Variants in ADD1 observed in about 807,000 individuals in gnomAD.
ADD1 encodes the protein alpha-adducin.
Under a neutral mutation model 80.5 loss-of-function variants are expected in ADD1, and 24 were observed. That is an observed-to-expected ratio of 0.30 (90% CI 0.22 to 0.42). ADD1 has a LOEUF of 0.42. ADD1 is among the 10% of genes least tolerant of loss of function. The pLI is 1.00. For synonymous variants in ADD1, 373 were observed against 393.8 expected (o/e 0.95, Z 0.63); for missense variants, 948 against 1,019.0 (o/e 0.93, Z 0.95).
chr4:2,875,876 CT>C lies in ADD1; in HGVS notation c.-20-16del, dbSNP rs749189389. ...GACATTGATTTGAAAACAATAATTTCTTTTATTTTGATTCTGTAGGAACCTA... is the reference window on the plus strand; with the variant it reads ...GACATTGATTTGAAAACAATAATTTCTTTATTTTGATTCTGTAGGAACCTA... On this transcript the variant is annotated intron_variant, in intron 1 of 15. Transcript: ENST00000683351. 3.3e-6 allele frequency: 5 copies of C among 1,520,380 alleles called. No individual in the cohort carries two copies. The highest frequency in any genetic ancestry group is 4.4e-6 in the Non-Finnish European group (5 of 1,131,720). The allele number at this position is 1,520,380 out of a possible 1,614,324, so 94.2% of individuals were successfully genotyped here.
Position 2,928,767 on chromosome 4 carries a change from A to AG in ADD1, c.*250dup. ...TCTGGGGGAGACATGCTCTCCCCAC[A>AG]GGGGGGAGGCACTAAGTCATGGTCC... is the stretch of plus-strand genomic sequence containing the variant. On this transcript the variant is annotated 3_prime_UTR_variant, in exon 16 of 16. Coordinates refer to ENST00000683351, the MANE Select transcript of ADD1 (RefSeq NM_001354761.2). 3 of 497,750 alleles carry AG rather than the reference A, an allele frequency of 6.0e-6. No individual in the cohort carries two copies. Among genetic ancestry groups the AG allele is most frequent in the South Asian group, 5.5e-5 (2 of 36,530 alleles). 30.8% of individuals were successfully genotyped at this position (497,750 alleles called of 1,614,324 possible).
At chr4:2,852,207 C>CTTTCTTTCTTTCTTTCCTTTCCTTT (rs1553815097) in intron 1 of ADD1, among the ~76,000 whole-genome samples, 1 of 66,102 alleles carries the variant, frequency 1.5e-5, no homozygotes, top group African/African-American at 6.0e-5. Context: ...TCCTTTCTTT[C>CTTTCTTTCTTTCTTTCCTTTCCTTT]CTTTCCTTTC....
intron 14 of ADD1, among the ~76,000 whole-genome samples, chr4:2,920,651 C>A (rs1577727458): frequency 8.7e-6 from 1 of 115,496 alleles, no homozygotes; most frequent in African/African-American, 3.5e-5. Context: ...AGGATTGCAA[C>A]TCCTGCTTTT....
intron 6 of ADD1, among the ~76,000 whole-genome samples, chr4:2,897,444 T>C (rs2109020938): frequency 6.7e-6 from 1 of 149,378 alleles, no homozygotes; most frequent in South Asian, 2.1e-4. Context: ...CAAACTTGTA[T>C]AAATTTGCTT....
intron 4 of ADD1, among the ~76,000 whole-genome samples, chr4:2,892,397 C>G (rs1423282793): frequency 1.3e-5 from 2 of 152,128 alleles, no homozygotes; most frequent in African/African-American, 4.8e-5. Context: ...TTTTTTACTG[C>G]TGTATTCCTA....
intron 1 of ADD1, among the ~76,000 whole-genome samples, chr4:2,869,002 G>A (rs1480534583): frequency 2.6e-5 from 4 of 152,228 alleles, no homozygotes; most frequent in Non-Finnish European, 2.9e-5. Flanking sequence ...ACGGTTGACT[G>A]CGCTCACTCT....
intron 14 of ADD1, among the ~76,000 whole-genome samples, chr4:2,917,795 C>T (rs1275399027): frequency 6.6e-6 from 1 of 152,142 alleles, no homozygotes; most frequent in Non-Finnish European, 1.5e-5. Context: ...TTTCCCATTC[C>T]TTGTTTTTGT....
In ADD1 at chr4:2,928,802, G is replaced by A. The variant is rs369529656; in HGVS notation, c.*279G>A. The A allele has an allele frequency of 8.4e-4, 346 of 412,962 alleles. 2 individuals carry two copies. The highest frequency in any genetic ancestry group is 4.3e-3 in the Middle Eastern group (7 of 1,612). The allele number at this position is 412,962 out of a possible 1,614,324, so 25.6% of individuals were successfully genotyped here. ...CACTAAGTCATGGTCCTGGCTGGAA[G>A]GTACTGAAGGCTTCTGCAGCTTTGG... On this transcript the variant is annotated 3_prime_UTR_variant, in exon 16 of 16. Transcript: ENST00000683351.
chr4:2,908,735 C>CTTTA (rs1233320791), intron 12 of ADD1, 131 bp downstream of exon 12: 1 of 767,948 alleles, frequency 1.3e-6, no homozygotes, highest in Non-Finnish European at 2.2e-6. Flanking sequence ...TTTGTTAAAA[C>CTTTA]CTTCATGATG....
At position 2,926,709 on chromosome 4, in the gene ADD1, G is replaced by C. The variant is rs765259937; in HGVS notation, c.2047+597G>C. On this transcript the variant is annotated intron_variant, in intron 15 of 15. Coordinates refer to ENST00000683351, the MANE Select transcript of ADD1 (RefSeq NM_001354761.2). The surrounding 1 kb of genome is among the most constrained non-coding windows in gnomAD (Gnocchi z 5.0). Reference sequence around the variant, plus strand: ...CGTGCTGCCTCCGCTCTCCACCGGTGCCCTGCGCTTTGCCTCATTCTCCTG... The same window carrying C: ...CGTGCTGCCTCCGCTCTCCACCGGTCCCCTGCGCTTTGCCTCATTCTCCTG... 3 of 1,608,052 alleles carry C rather than the reference G, an allele frequency of 1.9e-6. No individual in the cohort carries two copies. In the Admixed American group the frequency reaches 5.0e-5, roughly 27 times the overall value.
In ADD1 at chr4:2,929,610, C is replaced by T. The variant is rs1712676610; in HGVS notation, c.*1087C>T. The T allele has an allele frequency of 1.3e-5, 2 of 152,420 alleles. No homozygotes were observed. The highest frequency in any genetic ancestry group is 4.8e-5 in the African/African-American group (2 of 41,588). 9.4% of individuals were successfully genotyped at this position (152,420 alleles called of 1,614,324 possible). ...CATTTCAGGAGGTGCCGGTACCAGC[C>T]TGACTAGGTACAGGCAAGCTTGTGT... On this transcript the variant is annotated 3_prime_UTR_variant, in exon 16 of 16. Transcript: ENST00000683351.
intron 5 of ADD1, 57 bp downstream of exon 5, chr4:2,894,150 A>C: frequency 7.4e-7 from 1 of 1,355,014 alleles, no homozygotes. Flanking sequence ...AGGTCATTCA[A>C]CATCTTCAGA....
At chr4:2,860,886 G>A (rs1382822369) in intron 1 of ADD1, among the ~76,000 whole-genome samples, 1 of 152,198 alleles carries the variant, frequency 6.6e-6, no homozygotes, top group Admixed American at 6.5e-5. Flanking sequence ...TTGAACTCAA[G>A]CAGTCTAGCT....
chr4:2,919,934 A>T lies in ADD1; in HGVS notation c.1948+4894A>T, dbSNP rs140738578. 1.1e-3 allele frequency among the ~76,000 whole-genome samples: 166 copies of T among 152,014 alleles called. 1 individual carries two copies. The highest frequency in any genetic ancestry group is 3.6e-3 in the Admixed American group (55 of 15,268). On this transcript the variant is annotated intron_variant, in intron 14 of 15. Coordinates refer to ENST00000683351, the MANE Select transcript of ADD1 (RefSeq NM_001354761.2). The stretch of plus-strand genomic sequence containing the variant: ...TAATTCTTTTAATTATGATGTTAGG[A>T]TGTCTATTTTAGATCTTTCCCTCTT...
At chr4:2,853,995 A>G (rs1046706910) in intron 1 of ADD1, among the ~76,000 whole-genome samples, 4 of 152,198 alleles carry the variant, frequency 2.6e-5, no homozygotes, top group South Asian at 2.1e-4. Flanking sequence ...ATTGCCAGAT[A>G]TGACATGAAT....
chr4:2,893,716 G>C (rs1734692744), intron 4 of ADD1, among the ~76,000 whole-genome samples: 2 of 152,190 alleles, frequency 1.3e-5, no homozygotes, highest in African/African-American at 4.8e-5. Context: ...AAGTGTGACA[G>C]AGTAACCCAG....
chr4:2,870,549 A>C (rs753408646), intron 1 of ADD1, among the ~76,000 whole-genome samples: 1 of 152,048 alleles, frequency 6.6e-6, no homozygotes, highest in Non-Finnish European at 1.5e-5. Context: ...AACTGTCCTT[A>C]GTCTGTCCAG....
chr4:2,920,204 C>CT (rs1326148381), intron 14 of ADD1, among the ~76,000 whole-genome samples: 1 of 152,144 alleles, frequency 6.6e-6, no homozygotes, highest in Non-Finnish European at 1.5e-5. Flanking sequence ...GTCTGAGAGA[C>CT]TGTTTGTTAT....
intron 10 of ADD1, chr4:2,905,429 G>A: frequency 2.9e-6 from 1 of 349,004 alleles, no homozygotes; most frequent in Non-Finnish European, 5.3e-6. Context: ...TATATTCAGG[G>A]ACTCTTAATA....
Sources: allele counts gnomAD v4.1 joint callset (sites outside exome capture counted in the v4.1 genomes callset), GRCh38; gene constraint gnomAD v4.1.1; non-coding constraint Gnocchi (gnomAD v3.1); transcripts MANE v1.5; gene names NCBI Gene and HGNC (gene_info 2026-07-23, HGNC 2026-07-21).